CRISPLD2: variants seen among roughly 807,000 people sequenced by gnomAD.
The protein encoded by CRISPLD2 is cysteine-rich secretory protein LCCL domain-containing 2.
Under a neutral mutation model 71.1 loss-of-function variants are expected in CRISPLD2, and 47 were observed. The ratio of observed to expected loss-of-function variants is 0.66; its 90% CI spans 0.52 to 0.84. CRISPLD2 has a LOEUF of 0.84. CRISPLD2 is among the 40% of genes least tolerant of loss of function. The pLI is 0.00. For missense variants in CRISPLD2, 830 were observed against 651.1 expected (o/e 1.27, Z -2.99); for synonymous variants, 317 against 250.1 (o/e 1.27, Z -2.52).
At chr16:84,859,832 A>G (rs1917334929) in intron 6 of CRISPLD2, among the ~76,000 whole-genome samples, 1 of 152,174 alleles carries the variant, frequency 6.6e-6, no homozygotes, top group African/African-American at 2.4e-5. Context: ...TTGATGGTTG[A>G]GTGCTGCCAC....
intron 13 of CRISPLD2, among the ~76,000 whole-genome samples, chr16:84,888,410 A>C (rs374682478): frequency 6.6e-6 from 1 of 152,196 alleles, no homozygotes; most frequent in Non-Finnish European, 1.5e-5. Flanking sequence ...GTGGTACACA[A>C]CTGTAGTCCC....
chr16:84,904,541 A>G (rs1287375794), intron 14 of CRISPLD2, among the ~76,000 whole-genome samples: 1 of 151,880 alleles, frequency 6.6e-6, no homozygotes, highest in Non-Finnish European at 1.5e-5. Context: ...CCAAGATTGC[A>G]CCACTGTACT....
intron 13 of CRISPLD2, among the ~76,000 whole-genome samples, chr16:84,880,958 G>A (rs983089908): frequency 1.3e-5 from 2 of 152,070 alleles, no homozygotes; most frequent in African/African-American, 4.8e-5. Flanking sequence ...GCCCACCTCT[G>A]CCTCCCAAAG....
chr16:84,899,892 T>A (rs1427435912), intron 14 of CRISPLD2, among the ~76,000 whole-genome samples: 1 of 152,096 alleles, frequency 6.6e-6, no homozygotes, highest in Non-Finnish European at 1.5e-5. Flanking sequence ...CCCCTGGTAA[T>A]TTTCCCCAAC....
chr16:84,881,921 A>G (rs1253052431), intron 13 of CRISPLD2, among the ~76,000 whole-genome samples: 1 of 152,180 alleles, frequency 6.6e-6, no homozygotes, highest in Non-Finnish European at 1.5e-5. Flanking sequence ...GTAAGGTCAG[A>G]GCAGGCTTCA....
rs1597492502 is a variant in CRISPLD2 at position 84,908,685 on chromosome 16, T to A, written c.*2043T>A. On this transcript the variant is annotated 3_prime_UTR_variant, in exon 15 of 15. Coordinates refer to ENST00000262424, the MANE Select transcript of CRISPLD2 (RefSeq NM_031476.4). ...CCAGAGCAGGACCTGGCTGTCTTTT[T>A]TTTTTTTTTTTTTTTTTTCCCGAGA... is the stretch of plus-strand genomic sequence containing the variant. The A allele has an allele frequency of 1.7e-5, 1 of 58,896 alleles. No homozygotes were observed. The highest frequency in any genetic ancestry group is 3.5e-5 in the Non-Finnish European group (1 of 28,984). 3.6% of individuals were successfully genotyped at this position (58,896 alleles called of 1,614,324 possible).
Position 84,881,011 on chromosome 16 carries a change from T to C in CRISPLD2, c.1305+427T>C, listed in dbSNP as rs144018343. 3.3e-3 allele frequency among the ~76,000 whole-genome samples: 499 copies of C among 152,264 alleles called. 3 individuals are homozygous for C. The highest frequency in any genetic ancestry group is 0.011 in the African/African-American group (475 of 41,546). On this transcript the variant is annotated intron_variant, in intron 13 of 14. Coordinates refer to ENST00000262424, the MANE Select transcript of CRISPLD2 (RefSeq NM_031476.4). Reference sequence around the variant, plus strand: ...TGAGTCCCCACACCCGGCCAACCTCTTAGCTAAGTTTAGACCACTCATTTC... The same window carrying C: ...TGAGTCCCCACACCCGGCCAACCTCCTAGCTAAGTTTAGACCACTCATTTC...
intron 1 of CRISPLD2, among the ~76,000 whole-genome samples, chr16:84,834,728 G>C (rs569965374): frequency 6.6e-6 from 1 of 152,196 alleles, no homozygotes; most frequent in African/African-American, 2.4e-5. Context: ...AGAAGTCTAA[G>C]ATCAAGGTGC....
chr16:84,891,702 C>T (rs1386972918), intron 14 of CRISPLD2, among the ~76,000 whole-genome samples: 3 of 152,230 alleles, frequency 2.0e-5, no homozygotes, highest in Non-Finnish European at 4.4e-5. Context: ...GAGAACATCA[C>T]AGCAGTGCCC....
chr16:84,861,098 A>G (rs1917366773), intron 6 of CRISPLD2, among the ~76,000 whole-genome samples: 1 of 152,172 alleles, frequency 6.6e-6, no homozygotes, highest in Non-Finnish European at 1.5e-5. Flanking sequence ...AAATGCATTT[A>G]TTGTGCATAA....
chr16:84,871,657 C>T (rs1026653776), intron 8 of CRISPLD2, among the ~76,000 whole-genome samples: 5 of 151,938 alleles, frequency 3.3e-5, no homozygotes, highest in Admixed American at 3.3e-4. Flanking sequence ...GTTCAAGTGA[C>T]TTTCCTGCCT....
At chr16:84,901,572 A>G (rs969877815) in intron 14 of CRISPLD2, among the ~76,000 whole-genome samples, 2 of 150,534 alleles carry the variant, frequency 1.3e-5, no homozygotes, top group Non-Finnish European at 3.0e-5. Context: ...CCTGGATTCA[A>G]ATTATTCTCC....
rs191781509 is a variant in CRISPLD2, at chr16:84,883,913, G to T, written c.1305+3329G>T. ...GGCTGAAGTGCAGTGGCGTGACCTC[G>T]GCTCACTGCAACCTCCGCCTCCTGA... On this transcript the variant is annotated intron_variant, in intron 13 of 14. Coordinates refer to ENST00000262424, the MANE Select transcript of CRISPLD2 (RefSeq NM_031476.4). Among the ~76,000 whole-genome samples the T allele has an allele frequency of 4.9e-3, 731 of 149,122 alleles. 5 individuals are homozygous for T. Among genetic ancestry groups the T allele is most frequent in the Non-Finnish European group, 7.7e-3 (519 of 67,598 alleles).
At chr16:84,827,633 C>T (rs1916386982) in intron 1 of CRISPLD2, among the ~76,000 whole-genome samples, 1 of 149,370 alleles carries the variant, frequency 6.7e-6, no homozygotes. Context: ...GTGGTGCGAT[C>T]TCAGCTCTTT....
At chr16:84,883,802 T>G (rs1004695) in intron 13 of CRISPLD2, among the ~76,000 whole-genome samples, 33,539 of 151,756 alleles carry the variant, frequency 0.22, 3,854 homozygotes, top group Admixed American at 0.27. Flanking sequence ...ACTGAGCATG[T>G]GCTGTGTGCC....
chr16:84,849,298 T>A, intron 3 of CRISPLD2, 87 bp from the exon 4 acceptor site: 1 of 1,358,834 alleles, frequency 7.4e-7, no homozygotes, highest in Non-Finnish European at 1.0e-6. Context: ...TCGGCCTCCC[T>A]CCCTCCTACC....
intron 6 of CRISPLD2, among the ~76,000 whole-genome samples, chr16:84,862,757 C>T (rs955401596): frequency 1.7e-4 from 25 of 149,028 alleles, no homozygotes; most frequent in African/African-American, 5.7e-4. Context: ...GGGTGGGCTC[C>T]GCTGGCAGGG....
chr16:84,855,815 TG>T (rs1321823055), intron 6 of CRISPLD2, among the ~76,000 whole-genome samples: 2 of 152,210 alleles, frequency 1.3e-5, no homozygotes, highest in Non-Finnish European at 2.9e-5. Context: ...TTCGTAAAAC[TG>T]GAAACTCACC....
chr16:84,886,592 G>A (rs1055954861), intron 13 of CRISPLD2, among the ~76,000 whole-genome samples: 4 of 152,224 alleles, frequency 2.6e-5, no homozygotes, highest in Admixed American at 6.5e-5. Flanking sequence ...GGAGGCCAAG[G>A]TGGGAGGATC....
Sources: allele counts gnomAD v4.1 joint callset (sites outside exome capture counted in the v4.1 genomes callset), GRCh38; gene constraint gnomAD v4.1.1; transcripts MANE v1.5; gene names NCBI Gene and HGNC (gene_info 2026-07-23, HGNC 2026-07-21).